The following GPR158 variants were observed in gnomAD, a reference collection of about 807,000 sequenced individuals.
The protein encoded by GPR158 is metabotropic glycine receptor.
In GPR158, 30 loss-of-function variants were observed where a neutral mutation model predicts 78.2. The observed-to-expected ratio is 0.38, with a 90% CI of 0.29 to 0.52. The LOEUF is 0.52. GPR158 is among the 20% of genes least tolerant of loss of function. GPR158 has a pLI of 0.83. For synonymous variants in GPR158, 581 were observed against 591.1 expected (o/e 0.98, Z 0.25); for missense variants, 1,463 against 1,523.5 (o/e 0.96, Z 0.66).
chr10:25,271,686 A>G (rs1467378785), intron 2 of GPR158, among the ~76,000 whole-genome samples: 1 of 152,146 alleles, frequency 6.6e-6, no homozygotes, highest in East Asian at 1.9e-4. Context: ...TTTGAGATGG[A>G]GTTTCCTTCT....
chr10:25,522,664 C>CA (rs1446719506), intron 5 of GPR158, among the ~76,000 whole-genome samples: 7 of 152,098 alleles, frequency 4.6e-5, no homozygotes, highest in Non-Finnish European at 8.8e-5. Flanking sequence ...TTTGAAAACT[C>CA]ACAAAATACG....
intron 2 of GPR158, among the ~76,000 whole-genome samples, chr10:25,229,391 T>G (rs1853418777): frequency 6.6e-6 from 1 of 152,226 alleles, no homozygotes; most frequent in African/African-American, 2.4e-5. Flanking sequence ...TTACTTTTTC[T>G]GTTGTTTCCA....
intron 4 of GPR158, among the ~76,000 whole-genome samples, chr10:25,419,791 C>A (rs749640067): frequency 1.3e-5 from 2 of 152,058 alleles, no homozygotes; most frequent in Non-Finnish European, 2.9e-5. Flanking sequence ...GTGCCATGAG[C>A]CATTTATATA....
chr10:25,331,551 T>C (rs1035318743), intron 2 of GPR158, among the ~76,000 whole-genome samples: 8 of 152,208 alleles, frequency 5.3e-5, no homozygotes, highest in African/African-American at 1.7e-4. Context: ...AAAAAGAGAC[T>C]GACTTAAACA....
At chr10:25,300,531 A>G (rs1420416414) in intron 2 of GPR158, among the ~76,000 whole-genome samples, 1 of 151,782 alleles carries the variant, frequency 6.6e-6, no homozygotes, top group Admixed American at 6.5e-5. Context: ...GGGTGTGGGC[A>G]TCTTTGGGAT....
At chr10:25,339,246 C>T (rs777752785) in intron 2 of GPR158, among the ~76,000 whole-genome samples, 4 of 151,972 alleles carry the variant, frequency 2.6e-5, no homozygotes, top group Non-Finnish European at 4.4e-5. Flanking sequence ...CTTGGCCTCC[C>T]AAAGTGCTAG....
intron 1 of GPR158, among the ~76,000 whole-genome samples, chr10:25,211,005 G>A (rs1395745154): frequency 2.0e-5 from 3 of 152,030 alleles, no homozygotes; most frequent in Admixed American, 6.6e-5. Flanking sequence ...GGTGGCAGGC[G>A]CCTGTAGTCC....
chr10:25,374,445 A>G (rs1214118537), intron 2 of GPR158, among the ~76,000 whole-genome samples: 4 of 151,664 alleles, frequency 2.6e-5, no homozygotes, highest in Non-Finnish European at 4.4e-5. Context: ...GCATTTATGT[A>G]CATGTGTGCA....
At chr10:25,182,112 A>G (rs1852617996) in intron 1 of GPR158, among the ~76,000 whole-genome samples, 1 of 152,172 alleles carries the variant, frequency 6.6e-6, no homozygotes, top group Non-Finnish European at 1.5e-5. Context: ...CATATGTTCC[A>G]TGTTTGACTT....
At chr10:25,363,197 G>C (rs1346878923) in intron 2 of GPR158, among the ~76,000 whole-genome samples, 1 of 151,820 alleles carries the variant, frequency 6.6e-6, no homozygotes, top group Admixed American at 6.6e-5. Context: ...GCAGTGATGT[G>C]GCTGGTTTTT....
chr10:25,558,459 G>A (rs1836815749), intron 6 of GPR158, among the ~76,000 whole-genome samples: 2 of 152,116 alleles, frequency 1.3e-5, no homozygotes, highest in Admixed American at 1.3e-4. Flanking sequence ...AACGGGGAGG[G>A]GCAGGTTTCT....
intron 2 of GPR158, among the ~76,000 whole-genome samples, chr10:25,265,692 C>T (rs1199721465): frequency 2.0e-5 from 3 of 152,120 alleles, no homozygotes; most frequent in East Asian, 3.9e-4. Flanking sequence ...TTTCAGTTGG[C>T]TACAAGGCAG....
At chr10:25,421,872 G>T (rs760935305) in intron 4 of GPR158, among the ~76,000 whole-genome samples, 4 of 152,016 alleles carry the variant, frequency 2.6e-5, no homozygotes, top group African/African-American at 4.8e-5. Flanking sequence ...AATTTCAAAG[G>T]CAAAACAATT....
intron 2 of GPR158, among the ~76,000 whole-genome samples, chr10:25,394,279 G>T (rs1478984433): frequency 6.6e-6 from 1 of 152,196 alleles, no homozygotes; most frequent in African/African-American, 2.4e-5. Flanking sequence ...AAGACAGTAA[G>T]GCTCAGAGAT....
At chr10:25,188,836 G>A (rs929630670) in intron 1 of GPR158, among the ~76,000 whole-genome samples, 32 of 152,140 alleles carry the variant, frequency 2.1e-4, no homozygotes, top group Non-Finnish European at 1.5e-5. Flanking sequence ...TACCATCAGA[G>A]TGAACAGGCA....
intron 2 of GPR158, among the ~76,000 whole-genome samples, chr10:25,310,136 A>G (rs1276659195): frequency 6.6e-6 from 1 of 152,186 alleles, no homozygotes; most frequent in African/African-American, 2.4e-5. Context: ...AGTTTTCCCA[A>G]CAGCATTTGT....
At chr10:25,327,742 C>G (rs889009752) in intron 2 of GPR158, among the ~76,000 whole-genome samples, 6 of 151,808 alleles carry the variant, frequency 4.0e-5, no homozygotes, top group Non-Finnish European at 7.4e-5. Flanking sequence ...TAAGTGGAAA[C>G]TGAAAAGTTG....
intron 7 of GPR158, among the ~76,000 whole-genome samples, chr10:25,586,703 G>A (rs369190701): frequency 1.3e-5 from 2 of 152,214 alleles, no homozygotes; most frequent in Admixed American, 6.5e-5. Flanking sequence ...GTGAGCCACC[G>A]TGCCCGGCCC....
At chr10:25,322,948 G>A (rs990471494) in intron 2 of GPR158, among the ~76,000 whole-genome samples, 5 of 152,202 alleles carry the variant, frequency 3.3e-5, no homozygotes, top group South Asian at 2.1e-4. Context: ...CCAGGTTCAC[G>A]CCATTCTCCT....
Sources: allele counts gnomAD v4.1 joint callset (sites outside exome capture counted in the v4.1 genomes callset), GRCh38; gene constraint gnomAD v4.1.1; transcripts MANE v1.5; gene names NCBI Gene and HGNC (gene_info 2026-07-23, HGNC 2026-07-21).